GJA1: variants seen among roughly 807,000 people sequenced by gnomAD.
The protein encoded by GJA1 is gap junction protein alpha 1, also known as gap junction alpha-1 protein.
In GJA1, 9 loss-of-function variants were observed where a neutral mutation model predicts 31.0. The observed-to-expected ratio is 0.29, with a 90% confidence interval of 0.17 to 0.51. The LOEUF is 0.51. Ranked by LOEUF, GJA1 falls within the 20% of genes least tolerant of loss-of-function variation. GJA1 has a pLI of 0.98. For synonymous variants in GJA1, 186 were observed against 180.1 expected (o/e 1.03, Z -0.26); for missense variants, 278 against 468.8 (o/e 0.59, Z 3.76).
rs555672534 is a variant in GJA1 at position 121,446,964 on chromosome 6, A to G, written c.117A>G (p.Thr39=). 19 of 1,614,152 alleles carry G rather than the reference A, an allele frequency of 1.2e-5. No homozygotes were observed. In the South Asian group the frequency reaches 1.9e-4, roughly 16 times the overall value. The stretch of plus-strand genomic sequence containing the variant: ...TTTTCCGAATCCTGCTGCTGGGGAC[A>G]GCGGTTGAGTCAGCCTGGGGAGATG... The part of the protein sequence containing the change: ...LFIFRILLLG[T]AVESAWGDEQ... Residue 39 remains threonine (T), a synonymous_variant, in exon 2 of 2, where the codon ACA becomes ACG. Transcript: ENST00000282561.
In GJA1 at chr6:121,447,050, A is replaced by G. The variant is rs374218530; in HGVS notation, c.203A>G (p.Lys68Arg). Residue 68 changes from lysine to arginine, a missense_variant, in exon 2 of 2, where the codon AAG becomes AGG. Lys to Arg is a conservative substitution (Grantham distance 26). Coordinates refer to ENST00000282561, the MANE Select transcript of GJA1 (RefSeq NM_000165.5). ...QPGCENVCYD[K>R]SFPISHVRFW... ...GGTTGTGAAAATGTCTGCTATGACA[A>G]GTCTTTCCCAATCTCTCATGTGCGC... The G allele has an allele frequency of 6.2e-7, 1 of 1,613,708 alleles. No individual in the cohort carries two copies. Among genetic ancestry groups the G allele is most frequent in the African/African-American group, 1.3e-5 (1 of 75,036 alleles).
intron 1 of GJA1, among the ~76,000 whole-genome samples, chr6:121,436,071 C>T (rs1298331595): frequency 1.3e-5 from 2 of 151,186 alleles, no homozygotes; most frequent in African/African-American, 2.4e-5. Flanking sequence ...CAAACCTTTC[C>T]GATTAGAATA....
At chr6:121,443,422 T>C (rs1773831144) in intron 1 of GJA1, among the ~76,000 whole-genome samples, 1 of 152,194 alleles carries the variant, frequency 6.6e-6, no homozygotes, top group Non-Finnish European at 1.5e-5. Flanking sequence ...TATAACTCAT[T>C]AATGCAAATG....
chr6:121,437,161 C>T (rs1379001254), intron 1 of GJA1, among the ~76,000 whole-genome samples: 3 of 152,188 alleles, frequency 2.0e-5, no homozygotes, highest in Non-Finnish European at 4.4e-5. Flanking sequence ...CCCGAACCAG[C>T]TCGGTCTTGG....
chr6:121,446,945 G>C lies in GJA1; in HGVS notation c.98G>C (p.Arg33Pro). 6.2e-7 allele frequency: 1 copy of C among 1,614,092 alleles called. No homozygotes were observed. Among genetic ancestry groups the C allele is most frequent in the Non-Finnish European group, 8.5e-7 (1 of 1,179,968 alleles). The change falls in exon 2 of 2, where the codon CGA becomes CCA. Residue 33 changes from arginine to proline, a missense_variant. Physicochemically the swap from Arg to Pro is moderately radical, Grantham distance 103 (BLOSUM62 -2). This residue lies in a region of GJA1 where 26 missense variants were observed against 114.4 expected (regional missense o/e 0.23). Transcript: ENST00000282561. ...TGGCTGTCAGTACTTTTCATTTTCC[G>C]AATCCTGCTGCTGGGGACAGCGGTT... ...KVWLSVLFIF[R>P]ILLLGTAVES... is the part of the protein sequence containing the mutation.
At chr6:121,446,328 T>C (rs1475634681) in intron 1 of GJA1, among the ~76,000 whole-genome samples, 1 of 152,136 alleles carries the variant, frequency 6.6e-6, no homozygotes, top group East Asian at 1.9e-4. Context: ...AAATTAGTAA[T>C]AAAATGATAT....
At chr6:121,442,817 C>G (rs12197797) in intron 1 of GJA1, among the ~76,000 whole-genome samples, 34,358 of 152,102 alleles carry the variant, frequency 0.23, 4,114 homozygotes, top group Non-Finnish European at 0.26. Context: ...GTCTAGGGGG[C>G]CATGAAGAGC....
rs1349629330 is a variant in GJA1, at chr6:121,447,512, C to T, written c.665C>T (p.Ala222Val). 1.1e-5 allele frequency: 18 copies of T among 1,613,818 alleles called. No individual in the cohort carries two copies. Among genetic ancestry groups the T allele is most frequent in the Admixed American group, 1.7e-5 (1 of 60,006 alleles). Residue 222 changes from alanine (A) to valine (V), a missense_variant, in exon 2 of 2, where the codon GCC (alanine) becomes GTC (valine). Physicochemically the swap from Ala to Val is moderately conservative, Grantham distance 64. Transcript: ENST00000282561. ...CTGGTGGTGTCCTTGGTGTCCCTGG[C>T]CTTGAATATCATTGAACTCTTCTAT... ...FMLVVSLVSL[A>V]LNIIELFYVF...
intron 1 of GJA1, among the ~76,000 whole-genome samples, chr6:121,446,121 C>A (rs563277759): frequency 6.6e-6 from 1 of 152,010 alleles, no homozygotes; most frequent in Non-Finnish European, 1.5e-5. Flanking sequence ...CATGGAGAAA[C>A]CTCATCTCTA....
At position 121,449,583 on chromosome 6, in the gene GJA1, A is replaced by C. The variant is rs1193535918; in HGVS notation, c.*1587A>C. The C allele has an allele frequency of 6.0e-6, 1 of 167,102 alleles. No homozygotes were observed. The highest frequency in any genetic ancestry group is 1.5e-5 in the Non-Finnish European group (1 of 68,112). 10.4% of individuals were successfully genotyped at this position (167,102 alleles called of 1,614,324 possible). ...TCAGCTACATAAACAGTTTTGTACA[A>C]TGAAAATTACTAATTTGTTTGACAT... On this transcript the variant is annotated 3_prime_UTR_variant, in exon 2 of 2. Coordinates refer to ENST00000282561, the MANE Select transcript of GJA1 (RefSeq NM_000165.5).
chr6:121,443,165 A>G (rs1773825501), intron 1 of GJA1, among the ~76,000 whole-genome samples: 1 of 152,152 alleles, frequency 6.6e-6, no homozygotes, highest in Non-Finnish European at 1.5e-5. Context: ...GACTTGGAAA[A>G]ATGAAGATAT....
intron 1 of GJA1, among the ~76,000 whole-genome samples, chr6:121,441,033 C>T (rs1436176891): frequency 2.0e-5 from 3 of 152,078 alleles, no homozygotes; most frequent in Non-Finnish European, 2.9e-5. Flanking sequence ...AGCTCCGCCT[C>T]CCGGGTTCAC....
At position 121,447,063 on chromosome 6, in the gene GJA1, C is replaced by A; in HGVS notation, c.216C>A (p.Ile72=). The change falls in exon 2 of 2, where the codon ATC becomes ATA. Residue 72 remains isoleucine, a synonymous_variant. Coordinates refer to ENST00000282561, the MANE Select transcript of GJA1 (RefSeq NM_000165.5). ...ENVCYDKSFP[I]SHVRFWVLQI... ...TCTGCTATGACAAGTCTTTCCCAATCTCTCATGTGCGCTTCTGGGTCCTGC... is the reference window on the plus strand; with the variant it reads ...TCTGCTATGACAAGTCTTTCCCAATATCTCATGTGCGCTTCTGGGTCCTGC... 3 of 1,611,048 alleles carry A rather than the reference C, an allele frequency of 1.9e-6. No individual in the cohort carries two copies. The highest frequency in any genetic ancestry group is 1.7e-6 in the Non-Finnish European group (2 of 1,177,186).
At chr6:121,446,552 G>A (rs982924929) in intron 1 of GJA1, among the ~76,000 whole-genome samples, 4 of 152,192 alleles carry the variant, frequency 2.6e-5, no homozygotes, top group Admixed American at 2.6e-4. Context: ...GCAAGGCAGT[G>A]GTTGAGCAAG....
chr6:121,435,982 A>G (rs1582551719), intron 1 of GJA1, 150 bp downstream of exon 1: 1 of 152,276 alleles, frequency 6.6e-6, no homozygotes, highest in African/African-American at 2.4e-5. Flanking sequence ...TATAGTTTTA[A>G]AGTTAAAATT....
intron 1 of GJA1, among the ~76,000 whole-genome samples, chr6:121,444,578 G>T (rs1279921419): frequency 1.3e-5 from 2 of 152,188 alleles, no homozygotes; most frequent in Non-Finnish European, 1.5e-5. Context: ...TACTGAGGAA[G>T]AAGACTCCCC....
rs1375647150 is a variant in GJA1, at chr6:121,447,372, C to T, written c.525C>T (p.Tyr175=). The T allele has an allele frequency of 1.2e-6, 2 of 1,613,792 alleles. No homozygotes were observed. The highest frequency in any genetic ancestry group is 1.7e-6 in the Non-Finnish European group (2 of 1,179,854). Residue 175 remains tyrosine, a synonymous_variant, in exon 2 of 2, where the codon TAC becomes TAT. Transcript: ENST00000282561. ...TGGCCTTCTTGCTGATCCAGTGGTA[C>T]ATCTATGGATTCAGCTTGAGTGCTG... ...FEVAFLLIQW[Y]IYGFSLSAVY... is the part of the protein sequence containing the mutation.
At chr6:121,441,116 T>A (rs1404054049) in intron 1 of GJA1, among the ~76,000 whole-genome samples, 1 of 152,166 alleles carries the variant, frequency 6.6e-6, no homozygotes, top group East Asian at 1.9e-4. Flanking sequence ...CTAATTTTTT[T>A]GTATTTTTTT....
chr6:121,442,727 CTG>C (rs1773814661), intron 1 of GJA1, among the ~76,000 whole-genome samples: 1 of 152,230 alleles, frequency 6.6e-6, no homozygotes, highest in Non-Finnish European at 1.5e-5. Flanking sequence ...TGCCAAGTGA[CTG>C]TGATGCAGTT....
Sources: allele counts gnomAD v4.1 joint callset (sites outside exome capture counted in the v4.1 genomes callset), GRCh38; gene constraint gnomAD v4.1.1; regional missense constraint gnomAD v4.1.1; transcripts MANE v1.5; gene names NCBI Gene and HGNC (gene_info 2026-07-23, HGNC 2026-07-21).